The following MYO1E variants were observed in gnomAD, a reference collection of about 807,000 sequenced individuals.
The protein encoded by MYO1E is myosin IE, also known as unconventional myosin-Ie.
A neutral mutation model predicts 151.1 loss-of-function variants in MYO1E; 68 were observed. The ratio of observed to expected loss-of-function variants is 0.45; its 90% CI spans 0.37 to 0.55. The LOEUF (loss-of-function observed/expected upper bound fraction) is 0.55, where lower values mean the gene tolerates loss of function less well. Among genes scored for constraint, MYO1E ranks in the 20% least tolerant of loss-of-function variants. MYO1E has a pLI of 0.00. For missense variants in MYO1E, 1,363 were observed against 1,389.3 expected (o/e 0.98, Z 0.30); for synonymous variants, 601 against 501.7 (o/e 1.20, Z -2.64).
At chr15:59,372,072 G>A (rs2080949029) in intron 1 of MYO1E, among the ~76,000 whole-genome samples, 1 of 149,648 alleles carries the variant, frequency 6.7e-6, no homozygotes, top group Admixed American at 6.6e-5. Flanking sequence ...GGCGGGGCGG[G>A]CACGGCCGCG....
Position 59,159,413 on chromosome 15 carries a change from G to T in MYO1E, c.2786-1034C>A, listed in dbSNP as rs2079525850. On this transcript the variant is annotated intron_variant, in intron 24 of 27. Coordinates refer to ENST00000288235, the MANE Select transcript of MYO1E (RefSeq NM_004998.4). This position sits in a 1 kb window ranked among gnomAD's most constrained non-coding sequence, Gnocchi z 4.4. The stretch of plus-strand genomic sequence containing the variant: ...GGGTCTGAGTCCTGTGGACAGCCAG[G>T]CCTCTGCCTTCCAGTGGGGTGAGGC... 6.6e-6 allele frequency among the ~76,000 whole-genome samples: 1 copy of T among 152,250 alleles called. No homozygotes were observed. The highest frequency in any genetic ancestry group is 1.5e-5 in the Non-Finnish European group (1 of 68,046).
At chr15:59,363,861 T>C (rs1428498072) in intron 1 of MYO1E, among the ~76,000 whole-genome samples, 1 of 152,150 alleles carries the variant, frequency 6.6e-6, no homozygotes, top group Non-Finnish European at 1.5e-5. Context: ...CCACAACCTC[T>C]GCCTCCCATT....
At chr15:59,210,484 A>G (rs376778635) in intron 13 of MYO1E, 30 bp downstream of exon 13, 1 of 1,380,412 alleles carries the variant, frequency 7.2e-7, no homozygotes, top group Non-Finnish European at 1.0e-6. Flanking sequence ...ACCTGTGAGC[A>G]GTGAAAAGAC....
chr15:59,205,663 C>A (rs939303858), intron 14 of MYO1E, among the ~76,000 whole-genome samples, 178 bp from the exon 15 acceptor site: 2 of 152,176 alleles, frequency 1.3e-5, no homozygotes, highest in Non-Finnish European at 2.9e-5. Flanking sequence ...TGTGCACTGT[C>A]ACAGGAAGGC....
At chr15:59,243,769 T>C (rs1018315652) in intron 4 of MYO1E, among the ~76,000 whole-genome samples, 2 of 152,054 alleles carry the variant, frequency 1.3e-5, no homozygotes, top group Non-Finnish European at 2.9e-5. Context: ...CACGCAGAGT[T>C]GGAACTAACA....
chr15:59,202,940 T>C (rs1163646435), intron 15 of MYO1E, among the ~76,000 whole-genome samples: 4 of 152,148 alleles, frequency 2.6e-5, no homozygotes, highest in South Asian at 2.1e-4. Flanking sequence ...GAGATGGGGT[T>C]TCGCCATGTT....
chr15:59,268,243 A>C (rs2080268115), intron 2 of MYO1E, among the ~76,000 whole-genome samples: 1 of 152,228 alleles, frequency 6.6e-6, no homozygotes, highest in Non-Finnish European at 1.5e-5. Context: ...TTATTTCACA[A>C]ACATCCATCA....
At chr15:59,181,761 T>G (rs192284120) in intron 18 of MYO1E, among the ~76,000 whole-genome samples, 1 of 152,220 alleles carries the variant, frequency 6.6e-6, no homozygotes, top group Admixed American at 6.5e-5. Context: ...ACTTCCTATA[T>G]AGGGAGGGTG....
intron 1 of MYO1E, among the ~76,000 whole-genome samples, chr15:59,363,798 C>A (rs548540505): frequency 3.3e-5 from 5 of 152,128 alleles, no homozygotes; most frequent in Non-Finnish European, 7.3e-5. Context: ...TTTTTGGAGA[C>A]GGAATCTTGC....
chr15:59,212,943 C>T (rs1168394653), intron 12 of MYO1E, among the ~76,000 whole-genome samples: 4 of 146,546 alleles, frequency 2.7e-5, no homozygotes, highest in Non-Finnish European at 4.4e-5. Context: ...GAAGGATTCT[C>T]CCCTCTATCC....
At chr15:59,371,774 T>A (rs2080946391) in intron 1 of MYO1E, among the ~76,000 whole-genome samples, 1 of 150,658 alleles carries the variant, frequency 6.6e-6, no homozygotes, top group Admixed American at 6.6e-5. Flanking sequence ...GGTGTTTACT[T>A]GGCGTCCGGG....
chr15:59,252,424 T>A (rs2080170215), intron 4 of MYO1E, among the ~76,000 whole-genome samples: 1 of 151,824 alleles, frequency 6.6e-6, no homozygotes, highest in Non-Finnish European at 1.5e-5. Flanking sequence ...CTACTAAAAA[T>A]GCAAAAGAGG....
chr15:59,197,289 A>C (rs1474991376), intron 16 of MYO1E, among the ~76,000 whole-genome samples: 1 of 152,186 alleles, frequency 6.6e-6, no homozygotes, highest in Admixed American at 6.5e-5. Context: ...CACTGTGCCC[A>C]GCCTACAACT....
At chr15:59,354,261 A>G (rs1270970219) in intron 1 of MYO1E, among the ~76,000 whole-genome samples, 1 of 152,238 alleles carries the variant, frequency 6.6e-6, no homozygotes, top group Non-Finnish European at 1.5e-5. Context: ...GGAGGAGAGC[A>G]ATACCAGATT....
chr15:59,361,707 G>A (rs1285480346), intron 1 of MYO1E, among the ~76,000 whole-genome samples: 1 of 151,916 alleles, frequency 6.6e-6, no homozygotes, highest in Non-Finnish European at 1.5e-5. Context: ...TATTTGCTTT[G>A]GATTTTTCTA....
At chr15:59,299,457 C>G (rs951291090) in intron 1 of MYO1E, among the ~76,000 whole-genome samples, 2 of 152,208 alleles carry the variant, frequency 1.3e-5, no homozygotes, top group African/African-American at 4.8e-5. Flanking sequence ...TCAATCATTT[C>G]ACCTAGTCAA....
rs754609409 is a variant in MYO1E at position 59,272,352 on chromosome 15, G to A, written c.101C>T (p.Ser34Phe). 9 of 1,614,084 alleles carry A rather than the reference G, an allele frequency of 5.6e-6. No individual in the cohort carries two copies. In the East Asian group the frequency reaches 1.6e-4, roughly 28 times the overall value. The change falls in exon 2 of 28, where the codon TCC (serine) becomes TTC (phenylalanine). Residue 34 changes from serine (S) to phenylalanine (F), a missense_variant. Transcript: ENST00000288235. Reference protein sequence around the residue: ...MVLLSKITENSIVENLKKRYM... With the variant: ...MVLLSKITENFIVENLKKRYM... ...TCTCTTCTTCAGATTCTCCACGATG[G>A]AGTTCTCTGTGATCTTGGACAGTAG... is the stretch of plus-strand genomic sequence containing the variant.
chr15:59,163,038 C>T, intron 23 of MYO1E, 119 bp downstream of exon 23: 5 of 1,199,300 alleles, frequency 4.2e-6, no homozygotes, highest in African/African-American at 3.0e-5. Flanking sequence ...CCACTGGGGC[C>T]AGCCAGACCC....
intron 16 of MYO1E, among the ~76,000 whole-genome samples, chr15:59,198,488 T>A (rs1372742668): frequency 6.6e-6 from 1 of 152,188 alleles, no homozygotes; most frequent in Non-Finnish European, 1.5e-5. Context: ...AGAAGACCTC[T>A]AATTTAATCT....
Sources: gnomAD v4.1 joint callset for allele counts (sites outside exome capture counted in the v4.1 genomes callset) on GRCh38, gnomAD v4.1.1 for gene constraint, Gnocchi (gnomAD v3.1) non-coding constraint, MANE v1.5 for transcripts, NCBI Gene and HGNC (gene_info 2026-07-23, HGNC 2026-07-21) for gene names.